The following MCM3AP variants were observed in gnomAD, a reference collection of about 807,000 sequenced individuals.
The protein encoded by MCM3AP is minichromosome maintenance complex component 3 associated protein.
In MCM3AP, 126 loss-of-function variants were observed where a neutral mutation model predicts 184.1. The ratio of observed to expected loss-of-function variants is 0.68; its 90% CI spans 0.59 to 0.79. The LOEUF (loss-of-function observed/expected upper bound fraction) is 0.79. MCM3AP is among the 30% of genes least tolerant of loss of function. The pLI, the probability that MCM3AP is intolerant of heterozygous loss-of-function variation, is 0.00. For missense variants in MCM3AP, 2,496 were observed against 2,479.2 expected, an observed-to-expected ratio of 1.01 and a Z score of -0.14; for synonymous variants, 1,002 against 979.3, an observed-to-expected ratio of 1.02 and a Z score of -0.43.
intron 9 of MCM3AP, among the ~76,000 whole-genome samples, chr21:46,269,216 C>T (rs1427155696): frequency 6.6e-6 from 1 of 151,906 alleles, no homozygotes; most frequent in African/African-American, 2.4e-5. Flanking sequence ...TGGGCTCAAG[C>T]GATCCTCCCA....
At chr21:46,260,181 G>A (rs1037568640) in intron 15 of MCM3AP, among the ~76,000 whole-genome samples, 1 of 152,190 alleles carries the variant, frequency 6.6e-6, no homozygotes, top group African/African-American at 2.4e-5. Flanking sequence ...TAGAAAGACA[G>A]GGTAAAAAGA....
Position 46,285,125 on chromosome 21 carries a change from C to T in MCM3AP, c.162G>A (p.Gln54=). The part of the protein sequence containing the change: ...TLSGKSSGFS[Q]VSSFPASSGV... ...CAGAAGACGCTGGAAAGCTGGATAC[C>T]TGTGAAAATCCCGAGCTCTTCCCAG... The change falls in exon 1 of 28, where the codon CAG becomes CAA. Residue 54 remains glutamine (Q), a synonymous_variant. Coordinates refer to ENST00000291688, the MANE Select transcript of MCM3AP (RefSeq NM_003906.5). The T allele has an allele frequency of 6.2e-7, 1 of 1,614,158 alleles. No homozygotes were observed. Among genetic ancestry groups the T allele is most frequent in the East Asian group, 2.2e-5 (1 of 44,884 alleles).
intron 19 of MCM3AP, 82 bp from the exon 20 acceptor site, chr21:46,251,764 AAAG>A (rs2080873233): frequency 1.1e-6 from 1 of 873,570 alleles, no homozygotes; most frequent in South Asian, 1.8e-5. Flanking sequence ...ACTTTCAGGA[AAAG>A]AAGAAAGAAA....
chr21:46,256,986 C>T lies in MCM3AP; in HGVS notation c.3735G>A (p.Arg1245=). 6.2e-7 allele frequency: 1 copy of T among 1,609,400 alleles called. No homozygotes were observed. The highest frequency in any genetic ancestry group is 1.1e-5 in the South Asian group (1 of 90,286). ...TGCGGGCTGTGACAGCTTCCCTCCA[C>T]CTGGGGACATGAAAATGTATCATCA... ...ELQCFCKYLQ[R]WREAVTARKK... is the part of the protein sequence containing the mutation. The change falls in exon 17 of 28, where the codon CGG becomes CGA. Residue 1245 remains arginine, a splice_region_variant and synonymous_variant. Transcript: ENST00000291688.
At chr21:46,271,326 GTTT>G (rs375433728) in intron 8 of MCM3AP, among the ~76,000 whole-genome samples, 3 of 132,176 alleles carry the variant, frequency 2.3e-5, no homozygotes, top group Admixed American at 7.8e-5. Context: ...CCACACCTGG[GTTT>G]TTTTTTTTTT....
chr21:46,236,878 GAA>G lies in MCM3AP; in HGVS notation c.5733_5734del (p.Thr1914TyrfsTer2). The G allele has an allele frequency of 6.4e-7, 1 of 1,566,496 alleles. No homozygotes were observed. Among genetic ancestry groups the G allele is most frequent in the Non-Finnish European group, 8.6e-7 (1 of 1,161,864 alleles). On this transcript the variant is annotated frameshift_variant, in exon 27 of 28. Transcript: ENST00000291688. LOFTEE classifies it low-confidence loss of function (END_TRUNC). ...TTTCATCACAGGTTCAATAGTGTGA[GAA>G]AGAGACACTAGAGTCTGAGGAAGAT...
At position 46,265,353 on chromosome 21, in the gene MCM3AP, G is replaced by A. The variant is rs763178256; in HGVS notation, c.3202C>T (p.Pro1068Ser). The A allele has an allele frequency of 6.2e-7, 1 of 1,613,886 alleles. No individual in the cohort carries two copies. The highest frequency in any genetic ancestry group is 8.5e-7 in the Non-Finnish European group (1 of 1,180,026). ...FQLSVQPEPP[P>S]PEPVPMYSDE... ...GAGTACATGGGCACGGGCTCTGGAG[G>A]CGGTGGTTCAGGCTGCACAGACAGC... The change falls in exon 12 of 28, where the codon CCT becomes TCT. Residue 1068 changes from proline (P) to serine (S), a missense_variant. This residue lies in a region of MCM3AP where 1,323 missense variants were observed against 1,273.4 expected (regional missense o/e 1.04). Coordinates refer to ENST00000291688, the MANE Select transcript of MCM3AP (RefSeq NM_003906.5).
chr21:46,257,806 T>G (rs992590205), intron 16 of MCM3AP, among the ~76,000 whole-genome samples: 3 of 151,466 alleles, frequency 2.0e-5, no homozygotes, highest in African/African-American at 7.3e-5. Context: ...ACGCCTGTAG[T>G]CCCAGCTACT....
chr21:46,279,844 C>G, intron 4 of MCM3AP, 149 bp downstream of exon 4: 7 of 678,178 alleles, frequency 1.0e-5, no homozygotes, highest in Non-Finnish European at 1.4e-5. Context: ...AGGGGCAGAG[C>G]CCCTGCCCCT....
intron 9 of MCM3AP, among the ~76,000 whole-genome samples, chr21:46,268,346 C>T (rs142465949): frequency 1.5e-4 from 23 of 152,348 alleles, no homozygotes; most frequent in African/African-American, 5.3e-4. Context: ...ACTGATCAAG[C>T]ATTTGCTCTG....
rs2080700738 is a variant in MCM3AP, at chr21:46,243,130, T to A, written c.5297-199A>T. On this transcript the variant is annotated intron_variant, in intron 24 of 27. Transcript: ENST00000291688. ...CAATTATGTGACTTCCACACTTGGG[T>A]TAAATAGGCTCCCAGGGTCCATGCA... is the stretch of plus-strand genomic sequence containing the variant. The A allele has an allele frequency of 2.0e-5, 12 of 601,344 alleles. No individual in the cohort carries two copies. The South Asian group carries it at 2.3e-4, about 12-fold the overall frequency. The allele number at this position is 601,344 out of a possible 1,614,324, so 37.3% of individuals were successfully genotyped here. A position where few individuals can be genotyped will look rare whatever the true frequency, so the allele number is the denominator to read the frequency against.
At position 46,278,511 on chromosome 21, in the gene MCM3AP, G is replaced by A. The variant is rs558999660; in HGVS notation, c.1668-794C>T. 9.8e-5 allele frequency among the ~76,000 whole-genome samples: 15 copies of A among 152,300 alleles called. No homozygotes were observed. The East Asian group carries it at 2.5e-3, about 25-fold the overall frequency. ...GCCGGAGATCTGTCAAAGTAGGCCT[G>A]GTGTGAAAAGCAAAAGCCTTTGAGA... On this transcript the variant is annotated intron_variant, in intron 4 of 27. Coordinates refer to ENST00000291688, the MANE Select transcript of MCM3AP (RefSeq NM_003906.5).
At chr21:46,242,438 C>G (rs1398074246) in intron 25 of MCM3AP, 1 of 157,150 alleles carries the variant, frequency 6.4e-6, no homozygotes, top group African/African-American at 2.4e-5. Flanking sequence ...ACTTATTTTT[C>G]TATTATGGCA....
chr21:46,244,978 C>A lies in MCM3AP; in HGVS notation c.4867G>T (p.Val1623Leu). 6.2e-7 allele frequency: 1 copy of A among 1,614,214 alleles called. No homozygotes were observed. The highest frequency in any genetic ancestry group is 1.7e-5 in the Admixed American group (1 of 60,030). The change falls in exon 23 of 28, where the codon GTG becomes TTG. Residue 1623 changes from valine (V) to leucine (L), a missense_variant. Val to Leu is a conservative substitution (Grantham distance 32). Transcript: ENST00000291688. ...AGGTCACACAGCTGTTCAGAGGACA[C>A]CACAGAAGCCAGGAACTGCAGCACA... ...NSVLQFLASV[V>L]SSEQLCDLSW...
intron 2 of MCM3AP, among the ~76,000 whole-genome samples, 185 bp downstream of exon 2, chr21:46,283,430 G>A (rs2081357987): frequency 6.6e-6 from 1 of 152,070 alleles, no homozygotes; most frequent in Non-Finnish European, 1.5e-5. Flanking sequence ...ACTATATTCT[G>A]TAGGGACCTA....
chr21:46,239,875 G>A (rs2080622874), intron 26 of MCM3AP, among the ~76,000 whole-genome samples: 1 of 152,108 alleles, frequency 6.6e-6, no homozygotes, highest in Non-Finnish European at 1.5e-5. Flanking sequence ...GAGCAAGGAG[G>A]GGAGGATCAA....
At chr21:46,242,984 T>TAA in intron 24 of MCM3AP, 53 bp from the exon 25 acceptor site, 4 of 1,191,160 alleles carry the variant, frequency 3.4e-6, no homozygotes, top group Admixed American at 3.3e-5. Flanking sequence ...CAACCCTGTC[T>TAA]CAAAAAAAAA....
chr21:46,281,195 A>G (rs1440800803), intron 2 of MCM3AP, among the ~76,000 whole-genome samples: 1 of 152,188 alleles, frequency 6.6e-6, no homozygotes, highest in Non-Finnish European at 1.5e-5. Context: ...AGCTGATCAC[A>G]CATACAGAGA....
intron 4 of MCM3AP, among the ~76,000 whole-genome samples, chr21:46,278,759 C>T (rs1348599014): frequency 4.6e-5 from 7 of 151,876 alleles, no homozygotes; most frequent in Admixed American, 2.0e-4. Context: ...CTGCAAGCTC[C>T]GCCTCCCGGG....
Sources: gnomAD v4.1 joint callset for allele counts (sites outside exome capture counted in the v4.1 genomes callset) on GRCh38, gnomAD v4.1.1 for gene constraint, gnomAD v4.1.1 regional missense constraint, MANE v1.5 for transcripts, NCBI Gene and HGNC (gene_info 2026-07-23, HGNC 2026-07-21) for gene names.